Variants in PLEKHG1 observed in about 807,000 individuals in gnomAD.
PLEKHG1 encodes the protein pleckstrin homology and RhoGEF domain containing G1, also known as pleckstrin homology domain-containing family G member 1.
A neutral mutation model predicts 100.8 loss-of-function variants in PLEKHG1; 44 were observed. The observed-to-expected ratio is 0.44, with a 90% CI of 0.34 to 0.56. The LOEUF is 0.56. Among genes scored for constraint, PLEKHG1 ranks in the 20% least tolerant of loss-of-function variants. PLEKHG1 has a pLI of 0.01. For missense variants in PLEKHG1, 1,545 were observed against 1,720.9 expected (o/e 0.90, Z 1.81); for synonymous variants, 640 against 662.5 (o/e 0.97, Z 0.52).
At chr6:150,618,573 G>A (rs868100558) in intron 1 of PLEKHG1, among the ~76,000 whole-genome samples, 1 of 152,216 alleles carries the variant, frequency 6.6e-6, no homozygotes, top group African/African-American at 2.4e-5. Flanking sequence ...TGCAATAGAT[G>A]TAAATAACCC....
At chr6:150,706,500 A>G (rs75127669) in intron 3 of PLEKHG1, among the ~76,000 whole-genome samples, 2 of 149,336 alleles carry the variant, frequency 1.3e-5, no homozygotes, top group African/African-American at 4.9e-5. Context: ...TGTGGTCCCA[A>G]CTACCCAGAA....
chr6:150,674,682 T>TCTCTCTCCCC (rs1455673564), intron 3 of PLEKHG1, among the ~76,000 whole-genome samples: 1 of 104,228 alleles, frequency 9.6e-6, no homozygotes, highest in Non-Finnish European at 2.0e-5. Context: ...TCTCTCTCTC[T>TCTCTCTCCCC]CCCCCCTCTT....
At chr6:150,644,334 G>GGTTTTTTTTTTTTTTTTTTT (rs1554255840) in intron 2 of PLEKHG1, among the ~76,000 whole-genome samples, 13 of 117,598 alleles carry the variant, frequency 1.1e-4, no homozygotes, top group Middle Eastern at 4.5e-3. Flanking sequence ...TTCTTTTCGT[G>GGTTTTTTTTTTTTTTTTTTT]TTTTTTTTTT....
intron 1 of PLEKHG1, among the ~76,000 whole-genome samples, chr6:150,727,823 C>A (rs904282831): frequency 2.4e-4 from 37 of 152,132 alleles, no homozygotes; most frequent in Non-Finnish European, 1.6e-4. Context: ...CAAGGTTTGG[C>A]CAGAAATTCC....
At chr6:150,635,711 G>A (rs1215343092) in intron 1 of PLEKHG1, among the ~76,000 whole-genome samples, 3 of 151,976 alleles carry the variant, frequency 2.0e-5, no homozygotes, top group African/African-American at 7.3e-5. Context: ...AACTTTTCAG[G>A]GAGCATAAAT....
chr6:150,819,648 G>A, intron 11 of PLEKHG1, 31 bp from the exon 13 acceptor site: 1 of 1,239,502 alleles, frequency 8.1e-7, no homozygotes, highest in Non-Finnish European at 1.2e-6. Context: ...TGACACCACA[G>A]TCCCACTGAT....
At chr6:150,747,504 C>A (rs1004748850) in intron 2 of PLEKHG1, among the ~76,000 whole-genome samples, 2 of 152,146 alleles carry the variant, frequency 1.3e-5, no homozygotes, top group African/African-American at 4.8e-5. Flanking sequence ...GATTGTTTTG[C>A]CACTTAAAGG....
chr6:150,826,655 T>A (rs1776628105), intron 14 of PLEKHG1, among the ~76,000 whole-genome samples: 1 of 152,176 alleles, frequency 6.6e-6, no homozygotes, highest in Non-Finnish European at 1.5e-5. Context: ...CCTATTTTTT[T>A]AAACATTTAT....
At chr6:150,722,327 T>TTTTC (rs1183883718) in intron 1 of PLEKHG1, among the ~76,000 whole-genome samples, 1 of 98,960 alleles carries the variant, frequency 1.0e-5, no homozygotes, top group Non-Finnish European at 1.8e-5. Context: ...CTCTGCCTCC[T>TTTTC]TTTCTTTTTT....
At chr6:150,719,233 C>T (rs528866001), upstream of PLEKHG1, among the ~76,000 whole-genome samples, 11 of 151,966 alleles carry the variant, frequency 7.2e-5, no homozygotes, top group African/African-American at 2.2e-4. Context: ...TCTTTGTTTA[C>T]GTTTAACATA....
At chr6:150,740,236 G>A (rs528805001) in intron 2 of PLEKHG1, among the ~76,000 whole-genome samples, 1 of 152,382 alleles carries the variant, frequency 6.6e-6, no homozygotes, top group South Asian at 2.1e-4. Flanking sequence ...ACTGTCAAGT[G>A]TGGAGGTGGT....
In PLEKHG1 at chr6:150,698,499, T is replaced by C. The variant is rs200256876; in HGVS notation, c.-98-35085T>C. Among the ~76,000 whole-genome samples the C allele has an allele frequency of 2.2e-3, 330 of 151,904 alleles. 5 individuals carry two copies. The highest frequency in any genetic ancestry group is 7.2e-3 in the African/African-American group (300 of 41,418). On this transcript the variant is annotated intron_variant, in intron 3 of 3. Coordinates refer to the PLEKHG1 transcript ENST00000367326. ...TTGCGTGTGTATACAATACTATATA[T>C]ACACACACACGTACATGAAAAAGTA...
chr6:150,719,120 A>G (rs1307360159), upstream of PLEKHG1, among the ~76,000 whole-genome samples: 1 of 152,124 alleles, frequency 6.6e-6, no homozygotes, highest in Non-Finnish European at 1.5e-5. Flanking sequence ...AGGACCCAAT[A>G]TGGCCCCCGC....
chr6:150,768,776 C>A, intron 3 of PLEKHG1, 38 bp downstream of exon 4: 3 of 1,188,050 alleles, frequency 2.5e-6, no homozygotes, highest in Non-Finnish European at 3.8e-6. Context: ...CACATACGAG[C>A]ATTATGAAAA....
chr6:150,808,801 T>C (rs1031058818), intron 7 of PLEKHG1, among the ~76,000 whole-genome samples: 3 of 151,828 alleles, frequency 2.0e-5, no homozygotes, highest in Non-Finnish European at 4.4e-5. Flanking sequence ...GCCATACTGG[T>C]GGCCCCTGGA....
chr6:150,826,853 G>C (rs114338370), intron 14 of PLEKHG1, among the ~76,000 whole-genome samples: 2,795 of 152,080 alleles, frequency 0.018, 91 homozygotes, highest in African/African-American at 0.063. Flanking sequence ...TGCTCAGGCT[G>C]GTCTTAAACT....
At position 150,612,274 on chromosome 6, in the gene PLEKHG1, A is replaced by T. The variant is rs1172290831; in HGVS notation, c.-204+12257A>T. 6.6e-5 allele frequency among the ~76,000 whole-genome samples: 10 copies of T among 152,170 alleles called. 1 individual carries two copies. In the East Asian group the frequency reaches 1.9e-3, roughly 29 times the overall value. On this transcript the variant is annotated intron_variant, in intron 1 of 3. Transcript: ENST00000367326. ...GAAGCCAGTGTTGATTGATATATTA[A>T]TAACTAGAACACGAACCTGACATTG...
At chr6:150,763,230 A>G (rs745937185) in intron 2 of PLEKHG1, among the ~76,000 whole-genome samples, 2 of 151,918 alleles carry the variant, frequency 1.3e-5, no homozygotes. Context: ...GAGTTTCACC[A>G]TGCTGGGCCA....
intron 3 of PLEKHG1, among the ~76,000 whole-genome samples, chr6:150,665,293 A>C (rs1779352474): frequency 6.6e-6 from 1 of 152,240 alleles, no homozygotes; most frequent in Non-Finnish European, 1.5e-5. Flanking sequence ...CTAATATAAT[A>C]GAAAAAATAG....
Sources: allele counts gnomAD v4.1 joint callset (sites outside exome capture counted in the v4.1 genomes callset), GRCh38; gene constraint gnomAD v4.1.1; transcripts MANE v1.5; gene names NCBI Gene and HGNC (gene_info 2026-07-23, HGNC 2026-07-21).